PHLPP1: variants seen among roughly 807,000 people sequenced by gnomAD.
PHLPP1 encodes PH domain and leucine rich repeat protein phosphatase 1.
In PHLPP1, 42 loss-of-function variants were observed where a neutral mutation model predicts 117.2. That is an observed-to-expected ratio of 0.36 (90% CI 0.28 to 0.46). PHLPP1 has a LOEUF of 0.46. Ranked by LOEUF, PHLPP1 falls within the 20% of genes least tolerant of loss-of-function variation. The pLI is 1.00. For missense variants in PHLPP1, 2,084 were observed against 2,241.9 expected, an observed-to-expected ratio of 0.93 and a Z score of 1.42; for synonymous variants, 1,042 against 970.7, an observed-to-expected ratio of 1.07 and a Z score of -1.37.
intron 1 of PHLPP1, among the ~76,000 whole-genome samples, chr18:62,754,384 G>T (rs1234703894): frequency 6.6e-6 from 1 of 152,240 alleles, no homozygotes; most frequent in Non-Finnish European, 1.5e-5. Flanking sequence ...TCTTCTAGAG[G>T]TGTAGAGGCT....
chr18:62,783,956 C>T (rs1291661466), intron 1 of PHLPP1, among the ~76,000 whole-genome samples: 2 of 152,212 alleles, frequency 1.3e-5, no homozygotes, highest in Non-Finnish European at 2.9e-5. Context: ...AAGAAAGGGC[C>T]TAGTGTCTGC....
intron 8 of PHLPP1, among the ~76,000 whole-genome samples, chr18:62,914,277 C>CAT (rs1354493401): frequency 7.9e-5 from 12 of 152,170 alleles, no homozygotes; most frequent in African/African-American, 2.9e-4. Flanking sequence ...TATGATATGC[C>CAT]ATTGACTTCG....
chr18:62,892,082 C>CTTTTTTTTTTTTTTTTTTTTTTTTTTTT (rs200141250), intron 4 of PHLPP1, among the ~76,000 whole-genome samples: 7 of 107,964 alleles, frequency 6.5e-5, no homozygotes, highest in African/African-American at 1.6e-4. Flanking sequence ...TTCTTTCTTT[C>CTTTTTTTTTTTTTTTTTTTTTTTTTTTT]TTTTTTTTTT....
chr18:62,904,071 G>T (rs933923382), intron 7 of PHLPP1, among the ~76,000 whole-genome samples: 5 of 152,204 alleles, frequency 3.3e-5, no homozygotes, highest in East Asian at 1.9e-4. Flanking sequence ...TCTGAAAGAT[G>T]AAGGATTTTT....
intron 4 of PHLPP1, among the ~76,000 whole-genome samples, chr18:62,884,718 G>A (rs947986130): frequency 6.6e-6 from 1 of 152,192 alleles, no homozygotes; most frequent in Non-Finnish European, 1.5e-5. Flanking sequence ...TATTTACCTA[G>A]GGAGTCTTTT....
chr18:62,809,131 A>G (rs926076351), intron 1 of PHLPP1, among the ~76,000 whole-genome samples: 1 of 152,234 alleles, frequency 6.6e-6, no homozygotes, highest in Non-Finnish European at 1.5e-5. Flanking sequence ...TGAAGGCTAG[A>G]AGCCACCGCC....
rs2144496213 is a variant in PHLPP1 at position 62,978,550 on chromosome 18, A to G, written c.4273A>G (p.Thr1425Ala). Residue 1425 changes from threonine (T) to alanine (A), a missense_variant, in exon 17 of 17, where the codon ACT becomes GCT. Thr to Ala is a moderately conservative substitution (Grantham distance 58, BLOSUM62 0). Coordinates refer to ENST00000262719, the MANE Select transcript of PHLPP1 (RefSeq NM_194449.4). The surrounding 1 kb of genome is among the most constrained non-coding windows in gnomAD (Gnocchi z 7.0). The stretch of plus-strand genomic sequence containing the variant: ...CGCTGTGGTGGTGCAGCTCAGTGTC[A>G]CTGAGGACAGCTTCTGCTGCTGCGA... ...ISAVVVQLSV[T>A]EDSFCCCELS... 1.2e-6 allele frequency: 2 copies of G among 1,612,270 alleles called. No homozygotes were observed. The highest frequency in any genetic ancestry group is 1.7e-6 in the Non-Finnish European group (2 of 1,179,262).
At position 62,716,127 on chromosome 18, in the gene PHLPP1, C is replaced by T. The variant is rs1195253740; in HGVS notation, c.444C>T (p.Ala148=). 6.6e-7 allele frequency: 1 copy of T among 1,516,826 alleles called. No individual in the cohort carries two copies. The highest frequency in any genetic ancestry group is 2.6e-5 in the East Asian group (1 of 38,660). 94.0% of individuals were successfully genotyped at this position (1,516,826 alleles called of 1,614,324 possible). ...CGTCGTCGTCCTCGGCCGCTGCTGC[C>T]TCGCACTCCCCCGGCGCTGCCGGCC... ...SSSSSSSAAA[A]SHSPGAAGLP... The change falls in exon 1 of 17, where the codon GCC becomes GCT. Residue 148 remains alanine (A), a synonymous_variant. Coordinates refer to ENST00000262719, the MANE Select transcript of PHLPP1 (RefSeq NM_194449.4). This position sits in a 1 kb window ranked among gnomAD's most constrained non-coding sequence, Gnocchi z 5.7.
Position 62,897,369 on chromosome 18 carries a change from A to G in PHLPP1, c.2444+1358A>G, listed in dbSNP as rs184382083. Among the ~76,000 whole-genome samples the G allele has an allele frequency of 1.1e-3, 169 of 152,358 alleles. 1 individual carries two copies. Among genetic ancestry groups the G allele is most frequent in the African/African-American group, 3.8e-3 (160 of 41,582 alleles). ...ACCTACAGGATATTTAAATACCAGA[A>G]TAGACATTAGACACTCTGTAAATGT... is the stretch of plus-strand genomic sequence containing the variant. On this transcript the variant is annotated intron_variant, in intron 6 of 16. Transcript: ENST00000262719.
intron 4 of PHLPP1, among the ~76,000 whole-genome samples, chr18:62,877,566 A>G (rs1027180609): frequency 2.0e-5 from 3 of 152,248 alleles, no homozygotes; most frequent in Non-Finnish European, 4.4e-5. Flanking sequence ...CCAGGGTTCC[A>G]TGAGGCTTGC....
At chr18:62,769,201 C>T (rs1421672118) in intron 1 of PHLPP1, among the ~76,000 whole-genome samples, 1 of 152,108 alleles carries the variant, frequency 6.6e-6, no homozygotes, top group Non-Finnish European at 1.5e-5. Flanking sequence ...AATTGTAGAT[C>T]AGAAATATAT....
chr18:62,979,371 G>A lies in PHLPP1; in HGVS notation c.5094G>A (p.Pro1698=), dbSNP rs368078737. ...QQPPPPPQLQ[P]QLPRHYQLDQ... ...CGCCACCACCCCCTCAGCTCCAGCC[G>A]CAGCTGCCGCGGCACTACCAGCTGG... Residue 1698 remains proline (P), a synonymous_variant, in exon 17 of 17, where the codon CCG becomes CCA. Transcript: ENST00000262719. 343 of 1,549,726 alleles carry A rather than the reference G, an allele frequency of 2.2e-4. No homozygotes were observed. The African/African-American group carries it at 3.9e-3, about 18-fold the overall frequency.
chr18:62,844,468 A>G (rs1915130042), intron 3 of PHLPP1, among the ~76,000 whole-genome samples: 2 of 152,168 alleles, frequency 1.3e-5, no homozygotes, highest in African/African-American at 4.8e-5. Context: ...AATATCAAAT[A>G]TTCTGAAGTA....
intron 1 of PHLPP1, among the ~76,000 whole-genome samples, chr18:62,753,454 C>T (rs565122994): frequency 6.6e-6 from 1 of 152,128 alleles, no homozygotes; most frequent in Non-Finnish European, 1.5e-5. Context: ...ATTTGTTGCA[C>T]CCAGCAATGT....
chr18:62,945,088 C>T lies in PHLPP1; in HGVS notation c.3162-21C>T, dbSNP rs1240871259. ...TCCTATATTATTTTCTTTTAAATTG[C>T]TTTATTTTCTCTTTTTTTAGTAAAA... On this transcript the variant is annotated intron_variant, in intron 11 of 16. Coordinates refer to ENST00000262719, the MANE Select transcript of PHLPP1 (RefSeq NM_194449.4). 3 of 1,529,152 alleles carry T rather than the reference C, an allele frequency of 2.0e-6. No homozygotes were observed. In the African/African-American group the frequency reaches 4.2e-5, roughly 22 times the overall value. The allele number at this position is 1,529,152 out of a possible 1,614,324, so 94.7% of individuals were successfully genotyped here. A position where few individuals can be genotyped will look rare whatever the true frequency, so the allele number is the denominator to read the frequency against.
chr18:62,740,905 C>T (rs965461242), intron 1 of PHLPP1, among the ~76,000 whole-genome samples: 2 of 151,798 alleles, frequency 1.3e-5, no homozygotes, highest in African/African-American at 2.4e-5. Flanking sequence ...ACCTGGGAGG[C>T]GGAGGTTGCA....
At chr18:62,721,932 G>A (rs1369794077) in intron 1 of PHLPP1, among the ~76,000 whole-genome samples, 1 of 152,130 alleles carries the variant, frequency 6.6e-6, no homozygotes, top group Non-Finnish European at 1.5e-5. Context: ...CACTGACATT[G>A]TATGTGATCT....
intron 14 of PHLPP1, among the ~76,000 whole-genome samples, chr18:62,968,091 A>G (rs1910953644): frequency 6.6e-6 from 1 of 152,164 alleles, no homozygotes; most frequent in African/African-American, 2.4e-5. Flanking sequence ...CCAAAGAGCT[A>G]GGATTACAGG....
intron 1 of PHLPP1, among the ~76,000 whole-genome samples, chr18:62,727,602 C>A (rs1205420742): frequency 2.1e-5 from 3 of 141,832 alleles, no homozygotes; most frequent in African/African-American, 7.9e-5. Context: ...GGTGACAGAG[C>A]GAGACCCTGT....
Sources: gnomAD v4.1 joint callset for allele counts (sites outside exome capture counted in the v4.1 genomes callset) on GRCh38, gnomAD v4.1.1 for gene constraint, Gnocchi (gnomAD v3.1) non-coding constraint, MANE v1.5 for transcripts, NCBI Gene and HGNC (gene_info 2026-07-23, HGNC 2026-07-21) for gene names.